Variants in TAF2 observed in about 807,000 individuals in gnomAD.
The protein encoded by TAF2 is transcription initiation factor TFIID subunit 2.
Under a neutral mutation model 138.5 loss-of-function variants are expected in TAF2, and 61 were observed. The observed-to-expected ratio is 0.44, with a 90% CI of 0.36 to 0.54. TAF2 has a LOEUF of 0.54. Ranked by LOEUF, TAF2 falls within the 20% of genes least tolerant of loss-of-function variation. The pLI is 0.00. For synonymous variants in TAF2, 475 were observed against 469.9 expected, an observed-to-expected ratio of 1.01 and a Z score of -0.14; for missense variants, 1,090 against 1,427.9, an observed-to-expected ratio of 0.76 and a Z score of 3.81.
intron 3 of TAF2, among the ~76,000 whole-genome samples, chr8:119,808,867 C>A (rs930797733): frequency 6.6e-6 from 1 of 152,150 alleles, no homozygotes; most frequent in Non-Finnish European, 1.5e-5. Context: ...ACTGTGAACA[C>A]CTGTTGTCAT....
At chr8:119,760,181 T>C (rs1463281439) in intron 20 of TAF2, among the ~76,000 whole-genome samples, 5 of 152,150 alleles carry the variant, frequency 3.3e-5, no homozygotes, top group Non-Finnish European at 5.9e-5. Context: ...TTTTTGGCCT[T>C]ATGTTTTTTC....
At position 119,758,150 on chromosome 8, in the gene TAF2, T is replaced by C. The variant is rs368912229; in HGVS notation, c.2699-8A>G. The C allele has an allele frequency of 3.1e-5, 49 of 1,597,420 alleles. No individual in the cohort carries two copies. Among genetic ancestry groups the C allele is most frequent in the Non-Finnish European group, 3.9e-5 (46 of 1,166,528 alleles). On this transcript the variant is annotated splice_polypyrimidine_tract_variant and splice_region_variant and intron_variant, in intron 20 of 25. Transcript: ENST00000378164. The stretch of plus-strand genomic sequence containing the variant: ...CTTCATAACTTCTGTCCACTGAAAA[T>C]AAAAGAAAATATATTTGTTGTTAAT...
intron 19 of TAF2, chr8:119,761,820 AC>A (rs1821084945): frequency 6.6e-6 from 1 of 152,238 alleles, no homozygotes; most frequent in African/African-American, 2.4e-5. Context: ...AAAAAAGAAA[AC>A]AAATCCCAAA....
intron 18 of TAF2, among the ~76,000 whole-genome samples, chr8:119,766,139 C>T (rs138741704): frequency 6.6e-6 from 1 of 152,178 alleles, no homozygotes; most frequent in East Asian, 1.9e-4. Context: ...TTTATCTCAG[C>T]TAACCTACTT....
At chr8:119,752,890 T>C (rs527471451) in intron 22 of TAF2, among the ~76,000 whole-genome samples, 49 of 152,308 alleles carry the variant, frequency 3.2e-4, no homozygotes, top group South Asian at 8.3e-4. Flanking sequence ...TTCACAGTTT[T>C]TGTTTTCCAG....
At chr8:119,780,320 C>T (rs560063497) in intron 17 of TAF2, among the ~76,000 whole-genome samples, 1 of 152,114 alleles carries the variant, frequency 6.6e-6, no homozygotes, top group Non-Finnish European at 1.5e-5. Context: ...ACTTTACATA[C>T]TTGATCTTAA....
chr8:119,799,972 A>G (rs976423255), intron 6 of TAF2, among the ~76,000 whole-genome samples: 16 of 152,132 alleles, frequency 1.1e-4, no homozygotes, highest in Non-Finnish European at 1.3e-4. Flanking sequence ...GTCTGTTCAT[A>G]TCCTTCGCCC....
At chr8:119,758,595 T>C (rs1206930240) in intron 20 of TAF2, among the ~76,000 whole-genome samples, 1 of 152,114 alleles carries the variant, frequency 6.6e-6, no homozygotes, top group African/African-American at 2.4e-5. Flanking sequence ...CATTTAAGAC[T>C]AAAGAACAGT....
At position 119,778,138 on chromosome 8, in the gene TAF2, G is replaced by T; in HGVS notation, c.2254-9C>A. 1 of 1,520,184 alleles carries T rather than the reference G, an allele frequency of 6.6e-7. No homozygotes were observed. The highest frequency in any genetic ancestry group is 9.1e-7 in the Non-Finnish European group (1 of 1,103,754). The allele number at this position is 1,520,184 out of a possible 1,614,324, so 94.2% of individuals were successfully genotyped here. On this transcript the variant is annotated splice_polypyrimidine_tract_variant and intron_variant, in intron 17 of 25. Transcript: ENST00000378164. ...ATTGCAACTGGCATAGTCTACAAAA[G>T]AAAAAAAAGAACTTTTAAAAGCACA... is the stretch of plus-strand genomic sequence containing the variant.
At chr8:119,831,951 G>A (rs1449169595) in intron 1 of TAF2, among the ~76,000 whole-genome samples, 2 of 152,148 alleles carry the variant, frequency 1.3e-5, no homozygotes, top group Non-Finnish European at 2.9e-5. Flanking sequence ...ACGAGGTCAA[G>A]AGTTCGAGAC....
chr8:119,824,749 G>C (rs532215675), intron 2 of TAF2, among the ~76,000 whole-genome samples: 1 of 152,224 alleles, frequency 6.6e-6, no homozygotes, highest in Non-Finnish European at 1.5e-5. Context: ...GTTTCAGATG[G>C]TACAAGCCTC....
rs187289256 is a variant in TAF2 at position 119,789,392 on chromosome 8, T to C, written c.1568+200A>G. On this transcript the variant is annotated intron_variant, in intron 12 of 25. Coordinates refer to ENST00000378164, the MANE Select transcript of TAF2 (RefSeq NM_003184.4). ...ATGCCAAACTTTACAAATATAAACA[T>C]ACATGTGTGTGCACCTTAATGTCTA... Among the ~76,000 whole-genome samples, 17 of 152,240 alleles carry C rather than the reference T, an allele frequency of 1.1e-4. No homozygotes were observed. In the East Asian group the frequency reaches 3.3e-3, roughly 29 times the overall value.
chr8:119,814,737 C>CAA (rs397795248), intron 3 of TAF2, among the ~76,000 whole-genome samples: 2,457 of 86,458 alleles, frequency 0.028, 66 homozygotes, highest in South Asian at 0.095. Context: ...ACCAAAAATA[C>CAA]AAAAAAAAAA....
rs983036576 is a variant in TAF2 at position 119,777,907 on chromosome 8, T to C, written c.2364+112A>G. On this transcript the variant is annotated intron_variant, in intron 18 of 25. Coordinates refer to ENST00000378164, the MANE Select transcript of TAF2 (RefSeq NM_003184.4). ...CAGTCATCAAGTACGATGATTTTTA[T>C]AGACTAAATATTTATTTAGAAACAA... The C allele has an allele frequency of 1.0e-4, 65 of 629,172 alleles. No homozygotes were observed. In the Middle Eastern group the frequency reaches 1.4e-3, roughly 13 times the overall value. The allele number at this position is 629,172 out of a possible 1,614,324, so 39.0% of individuals were successfully genotyped here.
chr8:119,788,030 T>C (rs1433842341), intron 14 of TAF2, among the ~76,000 whole-genome samples: 5 of 151,694 alleles, frequency 3.3e-5, no homozygotes, highest in African/African-American at 9.7e-5. Flanking sequence ...TAAGTGGGAG[T>C]TGAACAATGA....
At chr8:119,791,808 T>G (rs143147939) in intron 10 of TAF2, 7 of 163,796 alleles carry the variant, frequency 4.3e-5, no homozygotes, top group African/African-American at 1.2e-4. Context: ...TAAAGATTGA[T>G]TATATATGTA....
intron 23 of TAF2, among the ~76,000 whole-genome samples, chr8:119,746,281 G>A (rs1819959332): frequency 6.9e-6 from 1 of 145,448 alleles, no homozygotes; most frequent in South Asian, 2.1e-4. Flanking sequence ...GCTAAGGCAG[G>A]AGAATTGCTT....
chr8:119,781,343 T>G, intron 16 of TAF2, 150 bp from the exon 17 acceptor site: 1 of 1,018,958 alleles, frequency 9.8e-7, no homozygotes, highest in Non-Finnish European at 1.4e-6. Context: ...TAGCATTTTA[T>G]CACCATTTCC....
intron 18 of TAF2, among the ~76,000 whole-genome samples, chr8:119,768,096 G>A (rs965388334): frequency 1.3e-5 from 2 of 152,180 alleles, no homozygotes; most frequent in African/African-American, 4.8e-5. Flanking sequence ...CTTCCTCAGC[G>A]AAAGAACAGC....
Sources: gnomAD v4.1 joint callset for allele counts (sites outside exome capture counted in the v4.1 genomes callset) on GRCh38, gnomAD v4.1.1 for gene constraint, MANE v1.5 for transcripts, NCBI Gene and HGNC (gene_info 2026-07-23, HGNC 2026-07-21) for gene names.